The following CDKL4 variants were observed in gnomAD, a reference collection of about 807,000 sequenced individuals.
The protein encoded by CDKL4 is cyclin dependent kinase like 4, also known as cyclin-dependent kinase-like 4.
CDKL4 carries 44 observed loss-of-function variants against 42.0 expected under a neutral mutation model. That is an observed-to-expected ratio of 1.05 (90% CI 0.82 to 1.35). The LOEUF (loss-of-function observed/expected upper bound fraction) is 1.35, where lower values mean the gene tolerates loss of function less well. CDKL4 is among the 40% of genes most tolerant of loss of function. CDKL4 has a pLI of 0.00. For synonymous variants in CDKL4, 120 were observed against 121.6 expected (o/e 0.99, Z 0.09); for missense variants, 393 against 369.9 (o/e 1.06, Z -0.51).
intron 6 of CDKL4, among the ~76,000 whole-genome samples, chr2:39,188,286 G>A (rs1421169888): frequency 1.3e-5 from 2 of 151,772 alleles, no homozygotes; most frequent in Admixed American, 6.6e-5. Flanking sequence ...GTGAAGGCTG[G>A]GTGCGGTGGC....
chr2:39,244,211 G>A (rs1679809278), upstream of CDKL4, among the ~76,000 whole-genome samples: 1 of 152,248 alleles, frequency 6.6e-6, no homozygotes, highest in African/African-American at 2.4e-5. Context: ...CTGCACTGTG[G>A]GAGCCCCTTT....
rs1319387934 is a variant in CDKL4, at chr2:39,185,233, TATATATAC to T, written c.736-594_736-587del. ...GTATATATACATATATACACATACGTATATATACATATATACACATATGTATATATACA... is the reference window on the plus strand; with the variant it reads ...GTATATATACATATATACACATACGTATATATACACATATGTATATATACA... On this transcript the variant is annotated intron_variant, in intron 7 of 9. Coordinates refer to ENST00000451199, the Ensembl canonical transcript of CDKL4. Among the ~76,000 whole-genome samples, 31 of 13,098 alleles carry T rather than the reference TATATATAC, an allele frequency of 2.4e-3. 6 individuals are homozygous for T. Among genetic ancestry groups the T allele is most frequent in the African/African-American group, 5.0e-3 (31 of 6,192 alleles). 8.6% of individuals were successfully genotyped at this position (13,098 alleles called of 152,430 possible).
intron 1 of CDKL4, among the ~76,000 whole-genome samples, chr2:39,230,551 G>A (rs1177074237): frequency 1.3e-5 from 2 of 152,184 alleles, no homozygotes; most frequent in East Asian, 3.8e-4. Context: ...ATTCTTGAAT[G>A]AATGTTTTGG....
chr2:39,239,155 A>G (rs972303699), intron 1 of CDKL4, among the ~76,000 whole-genome samples: 2 of 152,190 alleles, frequency 1.3e-5, no homozygotes, highest in Admixed American at 6.5e-5. Flanking sequence ...AAAACAAACA[A>G]CAAACACACA....
At chr2:39,225,704 G>T (rs771945871) in intron 3 of CDKL4, 135 bp downstream of exon 3, 4 of 791,128 alleles carry the variant, frequency 5.1e-6, no homozygotes, top group Non-Finnish European at 7.6e-6. Flanking sequence ...GACATCCTGA[G>T]ACTGGATGGG....
At chr2:39,203,423 G>A (rs891165931) in intron 5 of CDKL4, among the ~76,000 whole-genome samples, 2 of 151,938 alleles carry the variant, frequency 1.3e-5, no homozygotes, top group Admixed American at 1.3e-4. Flanking sequence ...TGACAATTGG[G>A]TATTTTGGTG....
At chr2:39,177,318 G>A (rs1011697398) in intron 9 of CDKL4, among the ~76,000 whole-genome samples, 2 of 152,066 alleles carry the variant, frequency 1.3e-5, no homozygotes, top group Non-Finnish European at 2.9e-5. Flanking sequence ...TTCCCAGGTA[G>A]ACAGTGATTA....
At chr2:39,208,504 C>G (rs1162301345) in intron 4 of CDKL4, among the ~76,000 whole-genome samples, 2 of 151,972 alleles carry the variant, frequency 1.3e-5, no homozygotes. Context: ...CCACGCCTGG[C>G]TAATTTTTTG....
At chr2:39,194,193 C>T (rs1416135865) in intron 5 of CDKL4, among the ~76,000 whole-genome samples, 1 of 152,124 alleles carries the variant, frequency 6.6e-6, no homozygotes, top group African/African-American at 2.4e-5. Context: ...CACGGTGGCT[C>T]ACACTTGTAA....
intron 4 of CDKL4, among the ~76,000 whole-genome samples, chr2:39,212,351 A>G (rs923567513): frequency 6.7e-6 from 1 of 150,288 alleles, no homozygotes; most frequent in East Asian, 2.0e-4. Flanking sequence ...CTCCTGCCTC[A>G]GCCTCCCGAG....
chr2:39,198,589 G>T (rs1244190328), intron 5 of CDKL4, among the ~76,000 whole-genome samples: 2 of 151,824 alleles, frequency 1.3e-5, no homozygotes, highest in African/African-American at 2.4e-5. Flanking sequence ...CATATAATAG[G>T]CCACAAAATA....
intron 5 of CDKL4, among the ~76,000 whole-genome samples, chr2:39,202,769 A>C (rs1165006935): frequency 6.6e-6 from 1 of 152,158 alleles, no homozygotes; most frequent in African/African-American, 2.4e-5. Flanking sequence ...TTACATTTTT[A>C]TGTGGATGTC....
upstream of CDKL4, among the ~76,000 whole-genome samples, chr2:39,246,398 A>G (rs1679915096): frequency 6.6e-6 from 1 of 152,234 alleles, no homozygotes; most frequent in Non-Finnish European, 1.5e-5. Flanking sequence ...GTATACAAGT[A>G]TCACCTTATG....
chr2:39,202,499 T>C (rs1002084377), intron 5 of CDKL4, among the ~76,000 whole-genome samples: 3 of 152,238 alleles, frequency 2.0e-5, no homozygotes, highest in East Asian at 1.9e-4. Flanking sequence ...ATTCTGTTTA[T>C]AGTGTCCTTT....
Position 39,213,398 on chromosome 2 carries a change from A to G in CDKL4, c.363+2T>C, listed in dbSNP as rs1425433844. On this transcript the variant is annotated splice_donor_variant, in intron 4 of 9. Coordinates refer to ENST00000451199, the Ensembl canonical transcript of CDKL4. LOFTEE classifies it high-confidence loss of function. ...ATAAATACATTAGAAAATGTTACTT[A>G]CGTTATGTATATGACAGAAATTAAG... is the stretch of plus-strand genomic sequence containing the variant. The G allele has an allele frequency of 6.4e-7, 1 of 1,552,236 alleles. No individual in the cohort carries two copies. Among genetic ancestry groups the G allele is most frequent in the Non-Finnish European group, 8.9e-7 (1 of 1,125,964 alleles).
chr2:39,208,530 A>G (rs968688564), intron 4 of CDKL4, among the ~76,000 whole-genome samples: 3 of 151,990 alleles, frequency 2.0e-5, no homozygotes, highest in Admixed American at 6.6e-5. Context: ...TTTAGTAGAC[A>G]TGGGGTTTCG....
chr2:39,179,671 C>G (rs1675327373), intron 8 of CDKL4, among the ~76,000 whole-genome samples: 1 of 152,094 alleles, frequency 6.6e-6, no homozygotes. Flanking sequence ...CAGGAACTTC[C>G]TAGAAATGCG....
intron 5 of CDKL4, among the ~76,000 whole-genome samples, chr2:39,196,213 A>G (rs1274427632): frequency 2.0e-5 from 3 of 152,234 alleles, no homozygotes; most frequent in Non-Finnish European, 4.4e-5. Context: ...GTCAACCAAC[A>G]TAAAACCAGT....
At chr2:39,208,798 C>T (rs1677380949) in intron 4 of CDKL4, among the ~76,000 whole-genome samples, 1 of 146,540 alleles carries the variant, frequency 6.8e-6, no homozygotes, top group Admixed American at 7.1e-5. Context: ...TCTCTGCAAA[C>T]TTGCACACCA....
Sources: gnomAD v4.1 joint callset for allele counts (sites outside exome capture counted in the v4.1 genomes callset) on GRCh38, gnomAD v4.1.1 for gene constraint, MANE v1.5 for transcripts, NCBI Gene and HGNC (gene_info 2026-07-23, HGNC 2026-07-21) for gene names.